GFRAL: variants seen among roughly 807,000 people sequenced by gnomAD.
The protein encoded by GFRAL is GDNF family receptor alpha-like.
GFRAL carries 36 observed loss-of-function variants against 45.4 expected under a neutral mutation model. The ratio of observed to expected loss-of-function variants is 0.79; its 90% CI spans 0.61 to 1.05. The LOEUF (loss-of-function observed/expected upper bound fraction) is 1.05. Ranked by LOEUF, GFRAL falls within the 50% of genes least tolerant of loss-of-function variation. GFRAL has a pLI of 0.00. For missense variants in GFRAL, 507 were observed against 467.5 expected (o/e 1.08, Z -0.78); for synonymous variants, 166 against 154.1 (o/e 1.08, Z -0.57).
intron 6 of GFRAL, among the ~76,000 whole-genome samples, chr6:55,361,909 T>G (rs1224467290): frequency 1.3e-5 from 2 of 152,040 alleles, no homozygotes; most frequent in Non-Finnish European, 2.9e-5. Flanking sequence ...TTTCAGTTTG[T>G]CACATTTGCT....
chr6:55,364,851 A>G (rs1364637346), intron 6 of GFRAL, among the ~76,000 whole-genome samples: 1 of 152,080 alleles, frequency 6.6e-6, no homozygotes, highest in Non-Finnish European at 1.5e-5. Flanking sequence ...GCCTTGTAGT[A>G]TAGTTTGAAG....
intron 1 of GFRAL, among the ~76,000 whole-genome samples, chr6:55,328,742 C>T (rs147195214): frequency 6.6e-6 from 1 of 152,062 alleles, no homozygotes; most frequent in East Asian, 1.9e-4. Context: ...GCAATGGCCT[C>T]TTATTTTCAT....
chr6:55,339,530 A>G (rs1396714494), intron 3 of GFRAL, among the ~76,000 whole-genome samples: 2 of 152,190 alleles, frequency 1.3e-5, no homozygotes, highest in African/African-American at 4.8e-5. Context: ...AGATATTTTC[A>G]GAAGAATTTT....
At chr6:55,395,173 A>ATATATATATAT (rs35935725) in intron 6 of GFRAL, among the ~76,000 whole-genome samples, 48 of 103,552 alleles carry the variant, frequency 4.6e-4, no homozygotes, top group African/African-American at 2.3e-3. Context: ...AAAAAAAAAA[A>ATATATATATAT]AAATATATAT....
chr6:55,384,958 C>T (rs1336261073), intron 6 of GFRAL, among the ~76,000 whole-genome samples: 1 of 151,526 alleles, frequency 6.6e-6, no homozygotes, highest in Admixed American at 6.6e-5. Flanking sequence ...TCCTGGAAAG[C>T]ATCAGTCTTT....
chr6:55,379,326 T>G (rs536437787), intron 6 of GFRAL, among the ~76,000 whole-genome samples: 10 of 151,922 alleles, frequency 6.6e-5, no homozygotes, highest in Non-Finnish European at 1.3e-4. Flanking sequence ...CCCTCCCCCA[T>G]CAGGGAGACC....
At chr6:55,340,963 G>A (rs1178122372) in intron 3 of GFRAL, among the ~76,000 whole-genome samples, 3 of 152,210 alleles carry the variant, frequency 2.0e-5, no homozygotes, top group African/African-American at 7.2e-5. Context: ...CAAGGCAGCA[G>A]CGAGGCTGAG....
At chr6:55,341,883 C>T (rs1362408830) in intron 3 of GFRAL, among the ~76,000 whole-genome samples, 2 of 152,126 alleles carry the variant, frequency 1.3e-5, no homozygotes, top group South Asian at 2.1e-4. Flanking sequence ...AATGCACAAG[C>T]TTCAGTAGCC....
chr6:55,350,419 A>G (rs1334519043), intron 4 of GFRAL, among the ~76,000 whole-genome samples: 1 of 152,172 alleles, frequency 6.6e-6, no homozygotes, highest in Non-Finnish European at 1.5e-5. Flanking sequence ...TCACAGCTGT[A>G]GTCCCAGTAC....
In GFRAL at chr6:55,401,965, T is replaced by C; in HGVS notation, c.*112T>C. 2 of 633,222 alleles carry C rather than the reference T, an allele frequency of 3.2e-6. No homozygotes were observed. Among genetic ancestry groups the C allele is most frequent in the Middle Eastern group, 2.7e-4 (1 of 3,724 alleles). 39.2% of individuals were successfully genotyped at this position (633,222 alleles called of 1,614,324 possible). On this transcript the variant is annotated 3_prime_UTR_variant, in exon 9 of 9. Coordinates refer to ENST00000340465, the MANE Select transcript of GFRAL (RefSeq NM_207410.2). ...TTCTCCTCTCCTCCCCTCCCCTCTC[T>C]GTTTCTTTTTCTTTTTCTTTTCTTT...
At chr6:55,332,181 A>G (rs577359979) in intron 2 of GFRAL, among the ~76,000 whole-genome samples, 1 of 152,314 alleles carries the variant, frequency 6.6e-6, no homozygotes. Flanking sequence ...TATTTTGATT[A>G]CATATGTCAA....
intron 7 of GFRAL, 21 bp downstream of exon 7, chr6:55,399,296 C>G (rs1209881103): frequency 6.6e-7 from 1 of 1,514,430 alleles, no homozygotes; most frequent in Non-Finnish European, 9.1e-7. Context: ...AATCAATCCT[C>G]TATAATATTT....
rs9475277 is a variant in GFRAL, at chr6:55,382,349, A to G, written c.953-16831A>G. 9.1e-3 allele frequency among the ~76,000 whole-genome samples: 1,390 copies of G among 152,046 alleles called. 19 individuals are homozygous for G. Among genetic ancestry groups the G allele is most frequent in the African/African-American group, 0.032 (1,332 of 41,544 alleles). ...GTGTTTTAAGTTAGCAATAAAGAGA[A>G]TAATAACAAATAAACTGTTTCTTTA... On this transcript the variant is annotated intron_variant, in intron 6 of 8. Transcript: ENST00000340465.
intron 6 of GFRAL, among the ~76,000 whole-genome samples, chr6:55,365,836 T>G (rs1372983967): frequency 0.014 from 2,103 of 149,698 alleles, 23 homozygotes; most frequent in Middle Eastern, 0.039. Context: ...GCTGGATTCA[T>G]TTTGCCAGTA....
intron 6 of GFRAL, among the ~76,000 whole-genome samples, chr6:55,364,147 G>GT (rs1255325278): frequency 6.6e-6 from 1 of 150,640 alleles, no homozygotes; most frequent in Non-Finnish European, 1.5e-5. Context: ...GTGTGAGATG[G>GT]TATCTCATTG....
chr6:55,373,199 G>A (rs929706797), intron 6 of GFRAL, among the ~76,000 whole-genome samples: 16 of 152,108 alleles, frequency 1.1e-4, no homozygotes, highest in African/African-American at 3.9e-4. Flanking sequence ...GTGGATTTCA[G>A]TAAGGAGAAC....
intron 6 of GFRAL, among the ~76,000 whole-genome samples, chr6:55,395,817 C>T (rs563372077): frequency 1.3e-5 from 2 of 151,358 alleles, no homozygotes; most frequent in South Asian, 4.2e-4. Context: ...CAGTAATGCT[C>T]ACCTCTCCAT....
At chr6:55,367,496 G>T (rs1483084974) in intron 6 of GFRAL, among the ~76,000 whole-genome samples, 19 of 146,338 alleles carry the variant, frequency 1.3e-4, no homozygotes, top group Non-Finnish European at 2.8e-4. Flanking sequence ...GATGTTAGCT[G>T]GTTATTTTGC....
chr6:55,361,345 T>C (rs559791317), intron 6 of GFRAL, among the ~76,000 whole-genome samples: 1 of 152,114 alleles, frequency 6.6e-6, no homozygotes, highest in South Asian at 2.1e-4. Flanking sequence ...TTCAAGTCCC[T>C]GATATAAAAT....
Sources: gnomAD v4.1 joint callset for allele counts (sites outside exome capture counted in the v4.1 genomes callset) on GRCh38, gnomAD v4.1.1 for gene constraint, MANE v1.5 for transcripts, NCBI Gene and HGNC (gene_info 2026-07-23, HGNC 2026-07-21) for gene names.